LYN: variants seen among roughly 807,000 people sequenced by gnomAD.
The protein encoded by LYN is LYN proto-oncogene, Src family tyrosine kinase.
Under a neutral mutation model 65.0 loss-of-function variants are expected in LYN, and 12 were observed. The observed-to-expected ratio is 0.18, with a 90% CI of 0.12 to 0.30. LYN has a LOEUF of 0.30. LYN is among the 10% of genes least tolerant of loss of function. LYN has a pLI of 1.00. For synonymous variants in LYN, 222 were observed against 221.2 expected, an observed-to-expected ratio of 1.00 and a Z score of -0.03; for missense variants, 380 against 623.2, an observed-to-expected ratio of 0.61 and a Z score of 4.16.
intron 8 of LYN, chr8:55,955,064 A>G (rs1310861330): frequency 6.6e-6 from 1 of 152,100 alleles, no homozygotes. Context: ...AGCAAATGTG[A>G]TTTCTAAATG....
At chr8:55,932,794 A>G (rs900876590) in intron 1 of LYN, among the ~76,000 whole-genome samples, 1 of 152,232 alleles carries the variant, frequency 6.6e-6, no homozygotes, top group East Asian at 1.9e-4. Flanking sequence ...GCCATAAAAA[A>G]TGAAATCATG....
chr8:55,979,309 A>G (rs1168656544), intron 10 of LYN, among the ~76,000 whole-genome samples: 3 of 152,282 alleles, frequency 2.0e-5, no homozygotes, highest in Non-Finnish European at 2.9e-5. Context: ...CCCAAAGTGC[A>G]GGGATTACAG....
chr8:55,888,513 G>GAC, intron 1 of LYN, among the ~76,000 whole-genome samples: 1 of 152,318 alleles, frequency 6.6e-6, no homozygotes, highest in African/African-American at 2.4e-5. Flanking sequence ...CAAGAGCGAA[G>GAC]ACACGTTGAA....
intron 1 of LYN, among the ~76,000 whole-genome samples, chr8:55,880,729 A>T (rs946539876): frequency 2.0e-5 from 3 of 152,206 alleles, no homozygotes; most frequent in African/African-American, 7.2e-5. Flanking sequence ...CGGCCTGCCG[A>T]GGAGCAGTCC....
chr8:55,927,813 G>A (rs1563514294), intron 1 of LYN, among the ~76,000 whole-genome samples: 1 of 151,934 alleles, frequency 6.6e-6, no homozygotes, highest in Non-Finnish European at 1.5e-5. Flanking sequence ...CCCTGCCTGG[G>A]TGACAGAGCG....
intron 1 of LYN, among the ~76,000 whole-genome samples, chr8:55,920,935 G>A (rs552392072): frequency 2.6e-5 from 4 of 152,158 alleles, no homozygotes; most frequent in Admixed American, 2.6e-4. Flanking sequence ...GACCTCAGGT[G>A]ATCTGCCCGC....
At chr8:55,886,138 T>TA (rs777496721) in intron 1 of LYN, among the ~76,000 whole-genome samples, 1 of 152,214 alleles carries the variant, frequency 6.6e-6, no homozygotes, top group Non-Finnish European at 1.5e-5. Flanking sequence ...ATGTTCAGGC[T>TA]ACATAATAAT....
At chr8:55,921,934 T>C (rs1399838815) in intron 1 of LYN, among the ~76,000 whole-genome samples, 1 of 152,078 alleles carries the variant, frequency 6.6e-6, no homozygotes, top group African/African-American at 2.4e-5. Flanking sequence ...AATACAAGGG[T>C]GTGCAAAACT....
intron 1 of LYN, among the ~76,000 whole-genome samples, chr8:55,920,044 T>A (rs1464775688): frequency 3.3e-5 from 5 of 152,210 alleles, no homozygotes; most frequent in Non-Finnish European, 5.9e-5. Flanking sequence ...GAGAAAAAAG[T>A]CAATGCCAAT....
rs1162508957 is a variant in LYN at position 55,911,098 on chromosome 8, T to TATATATATATACACACACAC, written c.-5-30756_-5-30755insTATATATATACACACACACA. 1.3e-3 allele frequency among the ~76,000 whole-genome samples: 15 copies of TATATATATATACACACACAC among 11,684 alleles called. 4 individuals are homozygous for TATATATATATACACACACAC. The highest frequency in any genetic ancestry group is 5.2e-3 in the African/African-American group (15 of 2,912). 7.7% of individuals were successfully genotyped at this position (11,684 alleles called of 152,430 possible). ...ATATACATACATATATATATATATATACATACACGTATATATACGTATATA... is the reference window on the plus strand; with the variant it reads ...ATATACATACATATATATATATATATATATATATATACACACACACACATACACGTATATATACGTATATA... On this transcript the variant is annotated intron_variant, in intron 1 of 12. Transcript: ENST00000519728.
At chr8:55,961,078 G>T (rs1211096107) in intron 8 of LYN, among the ~76,000 whole-genome samples, 2 of 152,164 alleles carry the variant, frequency 1.3e-5, no homozygotes, top group Non-Finnish European at 2.9e-5. Flanking sequence ...AATTTTGCTT[G>T]ATAAATTCTC....
chr8:55,999,463 T>C lies in LYN; in HGVS notation c.1250T>C (p.Phe417Ser). 1 of 1,613,800 alleles carries C rather than the reference T, an allele frequency of 6.2e-7. No homozygotes were observed. The highest frequency in any genetic ancestry group is 8.5e-7 in the Non-Finnish European group (1 of 1,179,694). The change falls in exon 12 of 13, where the codon TTT (phenylalanine) becomes TCT (serine). Residue 417 changes from phenylalanine to serine, a missense_variant. By Grantham distance (155) the Phe-to-Ser change is radical (BLOSUM62 -2). Coordinates refer to ENST00000519728, the MANE Select transcript of LYN (RefSeq NM_002350.4). ...IKWTAPEAIN[F>S]GCFTIKSDVW... ...TGGACGGCTCCAGAAGCAATCAACT[T>C]TGGATGTTTCACTATTAAGTCTGAT...
chr8:55,942,390 TA>T (rs1806645921), intron 2 of LYN, among the ~76,000 whole-genome samples: 1 of 135,024 alleles, frequency 7.4e-6, no homozygotes, highest in African/African-American at 3.0e-5. Context: ...TGTATATATA[TA>T]TGTGTATATA....
At chr8:55,925,897 T>C (rs1360138751) in intron 1 of LYN, among the ~76,000 whole-genome samples, 1 of 152,246 alleles carries the variant, frequency 6.6e-6, no homozygotes, top group Non-Finnish European at 1.5e-5. Flanking sequence ...CACAGAAGCA[T>C]ACAAGTGTTT....
chr8:55,982,550 G>C lies in LYN; in HGVS notation c.1050+12757G>C, dbSNP rs76039498. 3.3e-5 allele frequency among the ~76,000 whole-genome samples: 5 copies of C among 152,162 alleles called. No individual in the cohort carries two copies. In the East Asian group the frequency reaches 9.7e-4, roughly 29 times the overall value. ...CTACCTCCCCCACCCAGGACCCCCA[G>C]CTTTGGAGTCCACGCCATCAGACTG... On this transcript the variant is annotated intron_variant, in intron 10 of 12. Coordinates refer to ENST00000519728, the MANE Select transcript of LYN (RefSeq NM_002350.4).
chr8:55,937,838 G>A (rs1806480302), intron 1 of LYN, among the ~76,000 whole-genome samples: 1 of 152,134 alleles, frequency 6.6e-6, no homozygotes, highest in Non-Finnish European at 1.5e-5. Flanking sequence ...TGGGACTACA[G>A]ACGGGTGCCA....
chr8:55,929,699 G>A (rs1300816489), intron 1 of LYN, among the ~76,000 whole-genome samples: 1 of 152,206 alleles, frequency 6.6e-6, no homozygotes, highest in African/African-American at 2.4e-5. Flanking sequence ...CATCCAGTGG[G>A]TAGAGGCCAA....
At chr8:55,992,215 A>G (rs980936084) in intron 10 of LYN, among the ~76,000 whole-genome samples, 1 of 152,154 alleles carries the variant, frequency 6.6e-6, no homozygotes, top group Non-Finnish European at 1.5e-5. Flanking sequence ...AGATGAAGAG[A>G]ATCTCCTCAT....
At chr8:55,889,576 TGGGA>T (rs1804894350) in intron 1 of LYN, among the ~76,000 whole-genome samples, 1 of 152,106 alleles carries the variant, frequency 6.6e-6, no homozygotes, top group South Asian at 2.1e-4. Context: ...CATAAATAAG[TGGGA>T]GGTTTCTATC....
Sources: gnomAD v4.1 joint callset for allele counts (sites outside exome capture counted in the v4.1 genomes callset) on GRCh38, gnomAD v4.1.1 for gene constraint, MANE v1.5 for transcripts, NCBI Gene and HGNC (gene_info 2026-07-23, HGNC 2026-07-21) for gene names.